Variants in SLIT3 observed in about 807,000 individuals in gnomAD.
SLIT3 encodes slit homolog 3 protein.
SLIT3 carries 68 observed loss-of-function variants against 184.0 expected under a neutral mutation model. The observed-to-expected ratio is 0.37, with a 90% CI of 0.30 to 0.45. SLIT3 has a LOEUF of 0.45. Ranked by LOEUF, SLIT3 falls within the 20% of genes least tolerant of loss-of-function variation. SLIT3 has a pLI of 1.00. For missense variants in SLIT3, 1,707 were observed against 2,026.0 expected (o/e 0.84, Z 3.02); for synonymous variants, 831 against 828.6 (o/e 1.00, Z -0.05).
At chr5:168,760,812 G>A (rs1269837412) in intron 16 of SLIT3, 50 bp downstream of exon 16, 4 of 1,369,358 alleles carry the variant, frequency 2.9e-6, no homozygotes, top group Admixed American at 3.4e-5. Context: ...TAGAACACAG[G>A]CTCTGGCTAG....
At chr5:168,687,152 G>C (rs766930467) in intron 29 of SLIT3, 36 bp from the exon 30 acceptor site, 1 of 1,602,528 alleles carries the variant, frequency 6.2e-7, no homozygotes, top group Non-Finnish European at 8.5e-7. Flanking sequence ...GTTCCTCAAG[G>C]CAAAGCCAGC....
intron 4 of SLIT3, among the ~76,000 whole-genome samples, chr5:169,149,585 C>T (rs906863553): frequency 6.6e-6 from 1 of 152,174 alleles, no homozygotes; most frequent in African/African-American, 2.4e-5. Flanking sequence ...CCACCGTTTA[C>T]CTACTTTTGT....
chr5:169,087,540 C>T (rs1220470069), intron 4 of SLIT3, among the ~76,000 whole-genome samples: 3 of 152,178 alleles, frequency 2.0e-5, no homozygotes, highest in African/African-American at 7.2e-5. Context: ...TAGGAACAAC[C>T]TATGTGCCTA....
intron 25 of SLIT3, among the ~76,000 whole-genome samples, chr5:168,710,445 G>T (rs1403172847): frequency 6.6e-6 from 1 of 152,108 alleles, no homozygotes; most frequent in African/African-American, 2.4e-5. Flanking sequence ...TTTTAATAAT[G>T]TTGGATTAAA....
intron 1 of SLIT3, among the ~76,000 whole-genome samples, chr5:169,274,246 G>A (rs983791575): frequency 6.6e-6 from 1 of 152,192 alleles, no homozygotes; most frequent in African/African-American, 2.4e-5. Context: ...ACCGATTTAT[G>A]CTGTGGGAAT....
At chr5:168,767,653 G>A (rs1020569970) in intron 14 of SLIT3, among the ~76,000 whole-genome samples, 2 of 152,324 alleles carry the variant, frequency 1.3e-5, no homozygotes, top group Admixed American at 1.3e-4. Context: ...ACTCACATGA[G>A]TTTCACCCAT....
intron 12 of SLIT3, among the ~76,000 whole-genome samples, chr5:168,777,373 C>G (rs11134530): frequency 0.13 from 19,629 of 152,082 alleles, 1,361 homozygotes; most frequent in East Asian, 0.21. Context: ...TTGGTTCTAG[C>G]GCATATTAGG....
intron 4 of SLIT3, among the ~76,000 whole-genome samples, chr5:169,101,084 T>C (rs1759993161): frequency 6.6e-6 from 1 of 152,370 alleles, no homozygotes; most frequent in East Asian, 1.9e-4. Context: ...TATTTCATTT[T>C]GTCCTGAGTG....
At chr5:169,225,192 G>C (rs573678717) in intron 3 of SLIT3, among the ~76,000 whole-genome samples, 2 of 152,340 alleles carry the variant, frequency 1.3e-5, no homozygotes, top group South Asian at 4.1e-4. Context: ...TCTACAAGAA[G>C]TGTTTTACAG....
chr5:168,732,609 G>T (rs953295518), intron 20 of SLIT3, among the ~76,000 whole-genome samples: 7 of 152,040 alleles, frequency 4.6e-5, no homozygotes, highest in Admixed American at 4.6e-4. Flanking sequence ...CACAGTACTG[G>T]TATAAAAATA....
intron 26 of SLIT3, among the ~76,000 whole-genome samples, chr5:168,704,907 C>T (rs1474162838): frequency 3.3e-5 from 5 of 152,106 alleles, no homozygotes; most frequent in Non-Finnish European, 5.9e-5. Flanking sequence ...GCTCTAACCC[C>T]GGCAAGAAGG....
chr5:169,054,222 A>T (rs1364964459), intron 4 of SLIT3, among the ~76,000 whole-genome samples: 1 of 151,704 alleles, frequency 6.6e-6, no homozygotes, highest in Non-Finnish European at 1.5e-5. Context: ...ACACTAAAAA[A>T]AAAAAAAAAA....
Position 168,813,871 on chromosome 5 carries a change from C to T in SLIT3, c.793+3429G>A, listed in dbSNP as rs1275814488. Reference sequence around the variant, plus strand: ...CATGTGTTTGGTGAAATTTTTGATACCATTTAAAGGCTCAGGGAGCTTTTC... The same window carrying T: ...CATGTGTTTGGTGAAATTTTTGATATCATTTAAAGGCTCAGGGAGCTTTTC... On this transcript the variant is annotated intron_variant, in intron 8 of 35. Coordinates refer to ENST00000519560, the MANE Select transcript of SLIT3 (RefSeq NM_003062.4). 3.3e-5 allele frequency among the ~76,000 whole-genome samples: 5 copies of T among 152,306 alleles called. No individual in the cohort carries two copies. The East Asian group carries it at 9.6e-4, about 29-fold the overall frequency.
intron 9 of SLIT3, among the ~76,000 whole-genome samples, chr5:168,797,393 G>A (rs17553750): frequency 0.054 from 8,276 of 152,304 alleles, 340 homozygotes; most frequent in Non-Finnish European, 0.083. Context: ...ATGCCTCCAG[G>A]GAAAGCCACT....
At chr5:169,221,849 A>G (rs1243212252) in intron 3 of SLIT3, among the ~76,000 whole-genome samples, 2 of 152,214 alleles carry the variant, frequency 1.3e-5, no homozygotes, top group Non-Finnish European at 2.9e-5. Flanking sequence ...TCATCCAGAC[A>G]GTCAAGGTTG....
intron 26 of SLIT3, 96 bp downstream of exon 26, chr5:168,707,880 A>T: frequency 1.3e-6 from 2 of 1,483,600 alleles, no homozygotes; most frequent in South Asian, 1.2e-5. Context: ...TCCCTTGGAG[A>T]AGGGAGGGTA....
At chr5:169,031,637 G>A (rs1757029608) in intron 4 of SLIT3, among the ~76,000 whole-genome samples, 1 of 152,208 alleles carries the variant, frequency 6.6e-6, no homozygotes, top group Non-Finnish European at 1.5e-5. Context: ...ATCCAGAGGA[G>A]ACACAGCTGG....
chr5:169,181,681 C>A (rs1456813006), intron 4 of SLIT3, among the ~76,000 whole-genome samples: 1 of 149,912 alleles, frequency 6.7e-6, no homozygotes, highest in Admixed American at 6.7e-5. Context: ...GTGGAGGTTG[C>A]AGTGAGCCAA....
chr5:168,967,500 C>G, intron 4 of SLIT3, among the ~76,000 whole-genome samples: 1 of 87,374 alleles, frequency 1.1e-5, no homozygotes, highest in African/African-American at 4.1e-5. Context: ...AGTGCAGTGG[C>G]GGGATCTCGG....
Sources: gnomAD v4.1 joint callset for allele counts (sites outside exome capture counted in the v4.1 genomes callset) on GRCh38, gnomAD v4.1.1 for gene constraint, MANE v1.5 for transcripts, NCBI Gene and HGNC (gene_info 2026-07-23, HGNC 2026-07-21) for gene names.